FLI1: variants seen among roughly 807,000 people sequenced by gnomAD.
The protein encoded by FLI1 is Fli-1 proto-oncogene, ETS transcription factor, also known as Friend leukemia integration 1 transcription factor.
In FLI1, 13 loss-of-function variants were observed where a neutral mutation model predicts 53.1. That is an observed-to-expected ratio of 0.24 (90% confidence interval 0.16 to 0.39). The LOEUF (loss-of-function observed/expected upper bound fraction) is 0.39, where lower values mean the gene tolerates loss of function less well. Among genes scored for constraint, FLI1 ranks in the 10% least tolerant of loss-of-function variants. The pLI is 1.00. For missense variants in FLI1, 424 were observed against 600.5 expected, an observed-to-expected ratio of 0.71 and a Z score of 3.07; for synonymous variants, 244 against 236.7, an observed-to-expected ratio of 1.03 and a Z score of -0.28.
intron 1 of FLI1, among the ~76,000 whole-genome samples, chr11:128,749,954 C>A (rs1940570411): frequency 6.6e-6 from 1 of 152,234 alleles, no homozygotes; most frequent in African/African-American, 2.4e-5. Flanking sequence ...AGGCTGATCA[C>A]CCCCACTGCT....
rs118024575 is a variant in FLI1, at chr11:128,801,361, G to A, written c.656-4005G>A. On this transcript the variant is annotated intron_variant, in intron 5 of 8. Coordinates refer to ENST00000527786, the MANE Select transcript of FLI1 (RefSeq NM_002017.5). ...ATTCAGGTTATAGACATATCTCTGT[G>A]TGTATGTTGGGGACTAGAGATGACC... 5.3e-3 allele frequency among the ~76,000 whole-genome samples: 805 copies of A among 152,330 alleles called. 5 individuals are homozygous for A. Among genetic ancestry groups the A allele is most frequent in the Non-Finnish European group, 8.4e-3 (574 of 68,034 alleles).
intron 5 of FLI1, among the ~76,000 whole-genome samples, chr11:128,800,734 G>A (rs1350039568): frequency 6.6e-6 from 1 of 152,170 alleles, no homozygotes; most frequent in African/African-American, 2.4e-5. Flanking sequence ...ACATAATGGT[G>A]ATACTGTTAA....
chr11:128,719,902 ACTT>A (rs1434729323), intron 1 of FLI1, among the ~76,000 whole-genome samples: 2 of 152,150 alleles, frequency 1.3e-5, no homozygotes, highest in Non-Finnish European at 2.9e-5. Context: ...AGGTGCTACT[ACTT>A]CTTCTCTGTT....
intron 1 of FLI1, among the ~76,000 whole-genome samples, chr11:128,726,471 G>A (rs1160228540): frequency 2.0e-5 from 3 of 152,150 alleles, no homozygotes. Context: ...CAAAGATGAA[G>A]ACTGGAGAAG....
chr11:128,804,243 G>T (rs1004367225), intron 5 of FLI1: 1 of 152,216 alleles, frequency 6.6e-6, no homozygotes, highest in Non-Finnish European at 1.5e-5. Context: ...GGGCTGAAGG[G>T]CATGGTTGTG....
At chr11:128,691,756 A>G (rs1937747287), upstream of FLI1, 1 of 152,496 alleles carries the variant, frequency 6.6e-6, no homozygotes, top group South Asian at 2.1e-4. Context: ...GCTGAAAGGA[A>G]TTGGGGGACA....
chr11:128,781,849 C>T lies in FLI1; in HGVS notation c.590-109C>T, dbSNP rs1941924757. The T allele has an allele frequency of 3.6e-6, 3 of 843,184 alleles. No individual in the cohort carries two copies. In the East Asian group the frequency reaches 7.3e-5, roughly 21 times the overall value. The allele number at this position is 843,184 out of a possible 1,614,324, so 52.2% of individuals were successfully genotyped here. ...TTCTTCCTAGGAGTCCTCTGTCCCT[C>T]TTCCCCTCTCCCCATCTCTTTCCCT... is the stretch of plus-strand genomic sequence containing the variant. On this transcript the variant is annotated intron_variant, in intron 4 of 8. Transcript: ENST00000527786.
intron 5 of FLI1, among the ~76,000 whole-genome samples, chr11:128,803,712 A>G (rs1942698318): frequency 6.6e-6 from 1 of 152,184 alleles, no homozygotes; most frequent in South Asian, 2.1e-4. Context: ...AGTTGGTCCC[A>G]AATCTATTAC....
At chr11:128,704,026 G>C (rs555199995) in intron 1 of FLI1, among the ~76,000 whole-genome samples, 1 of 152,158 alleles carries the variant, frequency 6.6e-6, no homozygotes, top group African/African-American at 2.4e-5. Context: ...TCCAGCCCCA[G>C]CTCTATCCCA....
At chr11:128,768,407 A>T in intron 3 of FLI1, 135 bp downstream of exon 3, 1 of 1,101,178 alleles carries the variant, frequency 9.1e-7, no homozygotes, top group Admixed American at 2.0e-5. Flanking sequence ...GCCAGCCGGG[A>T]GTGGTGGCTC....
At chr11:128,745,206 CAAGA>C (rs1409002083) in intron 1 of FLI1, among the ~76,000 whole-genome samples, 2 of 151,916 alleles carry the variant, frequency 1.3e-5, no homozygotes, top group Non-Finnish European at 2.9e-5. Flanking sequence ...GGAGGTTGAG[CAAGA>C]AAGAGAAGGC....
chr11:128,806,972 G>C (rs1360538791), intron 6 of FLI1: 1 of 397,804 alleles, frequency 2.5e-6, no homozygotes, highest in East Asian at 3.6e-5. Context: ...AGTTCTACCA[G>C]GAACTGCTTG....
Position 128,810,854 on chromosome 11 carries a change from C to T in FLI1, c.1225C>T (p.Pro409Ser). 1.2e-6 allele frequency: 2 copies of T among 1,614,066 alleles called. No homozygotes were observed. The highest frequency in any genetic ancestry group is 2.2e-5 in the East Asian group (1 of 44,880). Residue 409 changes from proline (P) to serine (S), a missense_variant, in exon 9 of 9, where the codon CCT becomes TCT. Physicochemically the swap from Pro to Ser is moderately conservative, Grantham distance 74 (BLOSUM62 -1). Coordinates refer to ENST00000527786, the MANE Select transcript of FLI1 (RefSeq NM_002017.5). This position sits in a 1 kb window ranked among gnomAD's most constrained non-coding sequence, Gnocchi z 6.6. Reference sequence around the variant, plus strand: ...TGTCCCTCCCCATCCATCCTCCATGCCTGTCACTTCCTCCAGCTTCTTTGG... The same window carrying T: ...TGTCCCTCCCCATCCATCCTCCATGTCTGTCACTTCCTCCAGCTTCTTTGG... ...NFVPPHPSSMPVTSSSFFGAA... is the reference protein window; with the variant it reads ...NFVPPHPSSMSVTSSSFFGAA...
intron 1 of FLI1, among the ~76,000 whole-genome samples, chr11:128,718,895 T>C (rs1233651348): frequency 2.0e-5 from 3 of 152,298 alleles, no homozygotes; most frequent in African/African-American, 4.8e-5. Flanking sequence ...TGGATCCAAA[T>C]TGGGCTGAAA....
chr11:128,748,720 T>C (rs1940521705), intron 1 of FLI1, among the ~76,000 whole-genome samples: 1 of 151,980 alleles, frequency 6.6e-6, no homozygotes, highest in South Asian at 2.1e-4. Context: ...CGGCCTAAAA[T>C]TGGAGACGGC....
rs113049765 is a variant in FLI1, at chr11:128,744,411, A to G, written c.19-13704A>G. On this transcript the variant is annotated intron_variant, in intron 1 of 8. Coordinates refer to ENST00000527786, the MANE Select transcript of FLI1 (RefSeq NM_002017.5). ...AGATAAAGTGCCTTTTCTGTACTAT[A>G]ATTTGTGAATTATAATAAGATGATT... Among the ~76,000 whole-genome samples the G allele has an allele frequency of 5.0e-3, 763 of 152,324 alleles. 7 individuals are homozygous for G. Among genetic ancestry groups the G allele is most frequent in the African/African-American group, 0.017 (720 of 41,562 alleles).
chr11:128,701,612 C>T (rs1209940595), intron 1 of FLI1, among the ~76,000 whole-genome samples: 1 of 152,188 alleles, frequency 6.6e-6, no homozygotes, highest in African/African-American at 2.4e-5. Flanking sequence ...AGAGATTTGC[C>T]ATCTTTGGGA....
intron 1 of FLI1, among the ~76,000 whole-genome samples, chr11:128,719,278 TAAAAAA>T (rs36139999): frequency 2.2e-5 from 3 of 137,430 alleles, no homozygotes. Context: ...TCAGTTAGAT[TAAAAAA>T]AAAAAAAACA....
chr11:128,715,473 C>A (rs1467768916), intron 1 of FLI1, among the ~76,000 whole-genome samples: 2 of 152,222 alleles, frequency 1.3e-5, no homozygotes, highest in Admixed American at 6.5e-5. Flanking sequence ...GAGTCAATGA[C>A]ATTTGCAGAG....
Sources: gnomAD v4.1 joint callset for allele counts (sites outside exome capture counted in the v4.1 genomes callset) on GRCh38, gnomAD v4.1.1 for gene constraint, Gnocchi (gnomAD v3.1) non-coding constraint, MANE v1.5 for transcripts, NCBI Gene and HGNC (gene_info 2026-07-23, HGNC 2026-07-21) for gene names.